Variants in NIPAL2 observed in about 807,000 individuals in gnomAD.
The protein encoded by NIPAL2 is NIPA-like protein 2.
Under a neutral mutation model 48.9 loss-of-function variants are expected in NIPAL2, and 43 were observed. The ratio of observed to expected loss-of-function variants is 0.88; its 90% confidence interval spans 0.69 to 1.13. The LOEUF (loss-of-function observed/expected upper bound fraction) is 1.13. Ranked by LOEUF, NIPAL2 falls within the 50% of genes most tolerant of loss-of-function variation. The pLI is 0.00. For synonymous variants in NIPAL2, 167 were observed against 174.6 expected (o/e 0.96, Z 0.34); for missense variants, 446 against 461.4 (o/e 0.97, Z 0.31).
rs1810302413 is a variant in NIPAL2 at position 98,191,443 on chromosome 8, C to G, written c.*1535G>C. ...AGCCAGACATGGGTTCTGTATTTTTCATACATTGGTGATCAATTCAAATCT... is the reference window on the plus strand; with the variant it reads ...AGCCAGACATGGGTTCTGTATTTTTGATACATTGGTGATCAATTCAAATCT... On this transcript the variant is annotated 3_prime_UTR_variant, in exon 11 of 11. Transcript: ENST00000430223. 1.3e-5 allele frequency: 2 copies of G among 151,632 alleles called. No homozygotes were observed. Among genetic ancestry groups the G allele is most frequent in the South Asian group, 4.2e-4 (2 of 4,748 alleles). The allele number at this position is 151,632 out of a possible 1,614,324, so 9.4% of individuals were successfully genotyped here. A position where few individuals can be genotyped will look rare whatever the true frequency, so the allele number is the denominator to read the frequency against.
intron 1 of NIPAL2, among the ~76,000 whole-genome samples, chr8:98,282,657 G>A (rs1025109212): frequency 6.6e-6 from 1 of 152,144 alleles, no homozygotes. Flanking sequence ...GGGCAACAGA[G>A]TGAGACCCTG....
At chr8:98,223,267 G>A (rs974096446) in intron 4 of NIPAL2, among the ~76,000 whole-genome samples, 23 of 151,994 alleles carry the variant, frequency 1.5e-4, no homozygotes, top group Non-Finnish European at 3.4e-4. Context: ...TAGAAACCAC[G>A]TCATAAACCT....
chr8:98,217,117 G>A, intron 5 of NIPAL2: 4 of 985,460 alleles, frequency 4.1e-6, no homozygotes, highest in Non-Finnish European at 3.6e-6. Context: ...AGACAGGCTG[G>A]GAAAGGCTGT....
At chr8:98,227,127 C>A (rs943084855) in intron 4 of NIPAL2, among the ~76,000 whole-genome samples, 1 of 152,008 alleles carries the variant, frequency 6.6e-6, no homozygotes, top group Admixed American at 6.5e-5. Context: ...TGCTGCCAGA[C>A]CTGCCACTAC....
At chr8:98,277,620 C>T (rs554591611) in intron 1 of NIPAL2, among the ~76,000 whole-genome samples, 1 of 152,140 alleles carries the variant, frequency 6.6e-6, no homozygotes, top group Non-Finnish European at 1.5e-5. Flanking sequence ...TCCCTCCTCC[C>T]CACAGTCCAT....
intron 4 of NIPAL2, among the ~76,000 whole-genome samples, chr8:98,229,631 G>T (rs112051265): frequency 7.6e-4 from 115 of 152,252 alleles, no homozygotes; most frequent in African/African-American, 2.5e-3. Context: ...TCCCACCTTG[G>T]CCTCCTAAAG....
intron 1 of NIPAL2, among the ~76,000 whole-genome samples, chr8:98,291,780 G>C (rs1230721459): frequency 6.6e-6 from 1 of 152,184 alleles, no homozygotes; most frequent in Non-Finnish European, 1.5e-5. Flanking sequence ...CACAGCGTCT[G>C]AGTAGTGCAA....
intron 1 of NIPAL2, among the ~76,000 whole-genome samples, chr8:98,292,487 A>G (rs1697059735): frequency 6.6e-6 from 1 of 152,372 alleles, no homozygotes; most frequent in African/African-American, 2.4e-5. Flanking sequence ...AATTTCAATT[A>G]GCACATTCTG....
rs988770096 is a variant in NIPAL2 at position 98,236,164 on chromosome 8, C to G, written c.427G>C (p.Asp143His). 1 of 1,597,356 alleles carries G rather than the reference C, an allele frequency of 6.3e-7. No homozygotes were observed. Among genetic ancestry groups the G allele is most frequent in the African/African-American group, 1.3e-5 (1 of 74,318 alleles). The change falls in exon 4 of 11, where the codon GAC (aspartate) becomes CAC (histidine). Residue 143 changes from aspartate (D) to histidine (H), a missense_variant. Physicochemically the swap from Asp to His is moderately conservative, Grantham distance 81. Transcript: ENST00000430223. ...TTAAATAATTACTTACCGAGTAAGT[C>G]TGAGGCTCTCAAATTGTCTTTCAGA... ...TFLKDNLRASDLLGTTLAFAG... is the reference protein window; with the variant it reads ...TFLKDNLRASHLLGTTLAFAG...
intron 8 of NIPAL2, among the ~76,000 whole-genome samples, chr8:98,201,995 A>G (rs1810823878): frequency 6.6e-6 from 1 of 152,230 alleles, no homozygotes; most frequent in African/African-American, 2.4e-5. Context: ...GAAGGTGGTA[A>G]ATACATCAGA....
At chr8:98,193,453 T>G in intron 10 of NIPAL2, 1 of 1,600,584 alleles carries the variant, frequency 6.2e-7, no homozygotes, top group Non-Finnish European at 8.6e-7. Flanking sequence ...CATAGAAAAA[T>G]AGCCTTTGAT....
intron 3 of NIPAL2, among the ~76,000 whole-genome samples, chr8:98,242,712 C>T (rs1466667301): frequency 1.3e-5 from 2 of 152,160 alleles, no homozygotes; most frequent in East Asian, 3.9e-4. Flanking sequence ...TTCTGAGCTC[C>T]TAACCTCGTG....
At chr8:98,193,235 G>A (rs1810381406) in intron 10 of NIPAL2, 145 bp from the exon 11 acceptor site, 3 of 1,076,312 alleles carry the variant, frequency 2.8e-6, no homozygotes, top group Non-Finnish European at 2.8e-6. Flanking sequence ...GAATATCAAG[G>A]AAGAAAAGGC....
At chr8:98,273,865 G>C (rs117702307) in intron 1 of NIPAL2, among the ~76,000 whole-genome samples, 286 of 152,020 alleles carry the variant, frequency 1.9e-3, no homozygotes, top group Non-Finnish European at 3.2e-3. Flanking sequence ...TCAGCTTCAT[G>C]TGTAGTTTGG....
At chr8:98,253,685 A>G (rs1813721165) in intron 2 of NIPAL2, among the ~76,000 whole-genome samples, 1 of 152,188 alleles carries the variant, frequency 6.6e-6, no homozygotes, top group African/African-American at 2.4e-5. Flanking sequence ...CATCTGGGGT[A>G]AAGGCTATGG....
At chr8:98,236,029 TA>T in intron 4 of NIPAL2, 125 bp downstream of exon 4, 1 of 645,952 alleles carries the variant, frequency 1.5e-6, no homozygotes, top group Non-Finnish European at 2.7e-6. Context: ...TGCCTGACTC[TA>T]AATGAGACTT....
chr8:98,236,825 C>T (rs1812738548), intron 3 of NIPAL2, among the ~76,000 whole-genome samples: 2 of 133,652 alleles, frequency 1.5e-5, no homozygotes, highest in Non-Finnish European at 3.1e-5. Context: ...GCACTGAAGC[C>T]TCAGTGACAG....
At chr8:98,282,001 G>C (rs1054703105) in intron 1 of NIPAL2, among the ~76,000 whole-genome samples, 1 of 152,190 alleles carries the variant, frequency 6.6e-6, no homozygotes, top group Non-Finnish European at 1.5e-5. Flanking sequence ...ATCCTTACTT[G>C]AATCACATCT....
At chr8:98,281,981 C>T (rs1445203457) in intron 1 of NIPAL2, among the ~76,000 whole-genome samples, 1 of 152,232 alleles carries the variant, frequency 6.6e-6, no homozygotes, top group African/African-American at 2.4e-5. Flanking sequence ...GACACTCTCT[C>T]CATCTCAAGA....
Sources: allele counts gnomAD v4.1 joint callset (sites outside exome capture counted in the v4.1 genomes callset), GRCh38; gene constraint gnomAD v4.1.1; transcripts MANE v1.5; gene names NCBI Gene and HGNC (gene_info 2026-07-23, HGNC 2026-07-21).